SYNE2: variants seen among roughly 807,000 people sequenced by gnomAD.
SYNE2 encodes the protein spectrin repeat containing nuclear envelope protein 2, also known as nesprin-2.
Under a neutral mutation model 856.3 loss-of-function variants are expected in SYNE2, and 431 were observed. That is an observed-to-expected ratio of 0.50 (90% CI 0.47 to 0.55). SYNE2 has a LOEUF of 0.55. Among genes scored for constraint, SYNE2 ranks in the 20% least tolerant of loss-of-function variants. The pLI is 0.00. For synonymous variants in SYNE2, 2,923 were observed against 2,872.3 expected (o/e 1.02, Z -0.56); for missense variants, 8,129 against 8,023.2 (o/e 1.01, Z -0.50).
At chr14:63,865,924 C>T (rs558975529) in intron 1 of SYNE2, among the ~76,000 whole-genome samples, 1 of 151,914 alleles carries the variant, frequency 6.6e-6, no homozygotes, top group Non-Finnish European at 1.5e-5. Flanking sequence ...ATAACACTTC[C>T]AACAACAAAA....
chr14:63,944,164 T>C (rs2095975616), intron 6 of SYNE2, among the ~76,000 whole-genome samples: 1 of 151,074 alleles, frequency 6.6e-6, no homozygotes, highest in Non-Finnish European at 1.5e-5. Flanking sequence ...GTATAGTCTT[T>C]ATGATATTTA....
chr14:63,772,440 C>T (rs949031386), intron 1 of SYNE2, among the ~76,000 whole-genome samples: 6 of 152,078 alleles, frequency 3.9e-5, no homozygotes, highest in African/African-American at 1.2e-4. Flanking sequence ...ACATCTTTTA[C>T]TTTTAAGAAA....
rs374046827 is a variant in SYNE2, at chr14:64,089,298, G to A, written c.11671-276G>A. On this transcript the variant is annotated intron_variant, in intron 58 of 115. Coordinates refer to ENST00000555002, the MANE Select transcript of SYNE2 (RefSeq NM_182914.3). ...GGAGAATCGCTTGAACCTGGGAGGC[G>A]GAGGTTACAGTGAGCAGAGATCGCG... Among the ~76,000 whole-genome samples, 144 of 149,294 alleles carry A rather than the reference G, an allele frequency of 9.6e-4. 1 individual carries two copies. Among genetic ancestry groups the A allele is most frequent in the African/African-American group, 3.1e-3 (125 of 40,422 alleles).
Position 64,052,673 on chromosome 14 carries a change from T to C in SYNE2, c.8760T>C (p.Leu2920=). Reference sequence around the variant, plus strand: ...TTCTGGAAGATCAGTTGAAAAATCTTAAGATTAGGACCAACAGAATACAAA... The same window carrying C: ...TTCTGGAAGATCAGTTGAAAAATCTCAAGATTAGGACCAACAGAATACAAA... ...RLFLEDQLKN[L]KIRTNRIQRF... is the part of the protein sequence containing the mutation. The change falls in exon 48 of 116, where the codon CTT becomes CTC. Residue 2920 remains leucine (L), a synonymous_variant. Transcript: ENST00000555002. The C allele has an allele frequency of 6.2e-7, 1 of 1,613,886 alleles. No homozygotes were observed. The highest frequency in any genetic ancestry group is 8.5e-7 in the Non-Finnish European group (1 of 1,179,892).
intron 66 of SYNE2, among the ~76,000 whole-genome samples, chr14:64,118,706 C>G (rs569866591): frequency 6.6e-6 from 1 of 151,944 alleles, no homozygotes; most frequent in South Asian, 2.1e-4. Context: ...ACTAAAAATA[C>G]AAAAATTAGC....
intron 90 of SYNE2, 103 bp downstream of exon 90, chr14:64,165,513 C>CTATTTTT: frequency 7.6e-7 from 1 of 1,316,152 alleles, no homozygotes; most frequent in African/African-American, 1.7e-5. Context: ...TCCTAACTCA[C>CTATTTTT]TCTTATTTTT....
chr14:63,969,898 C>T (rs572613837), intron 11 of SYNE2, among the ~76,000 whole-genome samples: 1 of 152,072 alleles, frequency 6.6e-6, no homozygotes, highest in Non-Finnish European at 1.5e-5. Context: ...AATTTTGCTT[C>T]GTGTATTTTA....
upstream of SYNE2, chr14:63,848,339 AAC>A (rs1368608992): frequency 3.9e-5 from 6 of 152,210 alleles, no homozygotes; most frequent in Non-Finnish European, 8.8e-5. Context: ...ATTAGTTGTA[AAC>A]ACCACTGCAC....
chr14:63,890,039 G>GTCTT (rs1312864814), intron 1 of SYNE2, among the ~76,000 whole-genome samples: 1 of 144,828 alleles, frequency 6.9e-6, no homozygotes. Flanking sequence ...GTTGGGTCTT[G>GTCTT]TCTTTCTTTC....
intron 2 of SYNE2, among the ~76,000 whole-genome samples, chr14:63,913,693 C>G (rs1219493941): frequency 6.6e-6 from 1 of 151,838 alleles, no homozygotes; most frequent in Non-Finnish European, 1.5e-5. Flanking sequence ...TAACTCCTGA[C>G]CTCAAGTGAT....
intron 45 of SYNE2, among the ~76,000 whole-genome samples, chr14:64,041,758 G>A (rs1293589646): frequency 1.3e-5 from 2 of 151,830 alleles, no homozygotes; most frequent in South Asian, 2.1e-4. Flanking sequence ...GCTGAAACAG[G>A]AGAATCAGTT....
intron 1 of SYNE2, among the ~76,000 whole-genome samples, chr14:63,845,797 G>A (rs1315455017): frequency 6.8e-6 from 1 of 147,510 alleles, no homozygotes. Flanking sequence ...CTGCAGTGCA[G>A]TGGTTTGATC....
chr14:64,178,649 G>C (rs924046265), intron 96 of SYNE2, among the ~76,000 whole-genome samples: 1 of 152,190 alleles, frequency 6.6e-6, no homozygotes, highest in African/African-American at 2.4e-5. Context: ...TGTAGAGACA[G>C]GGTTTTGCCA....
rs895916834 is a variant in SYNE2, at chr14:63,929,913, T to C, written c.80-10701T>C. On this transcript the variant is annotated intron_variant, in intron 2 of 115. Transcript: ENST00000555002. ...AGCAATTACAGAGGCAAACATGTCA[T>C]GAAATGAAGTTTTAGAGGTAGGCAG... 2.0e-5 allele frequency among the ~76,000 whole-genome samples: 3 copies of C among 152,010 alleles called. No individual in the cohort carries two copies. The East Asian group carries it at 5.8e-4, about 29-fold the overall frequency.
rs777623237 is a variant in SYNE2 at position 64,119,477 on chromosome 14, C to G, written c.12891C>G (p.Cys4297Trp). The G allele has an allele frequency of 1.9e-6, 3 of 1,614,080 alleles. No individual in the cohort carries two copies. Among genetic ancestry groups the G allele is most frequent in the African/African-American group, 2.7e-5 (2 of 74,920 alleles). The change falls in exon 67 of 116, where the codon TGC (cysteine) becomes TGG (tryptophan). Residue 4297 changes from cysteine (C) to tryptophan (W), a missense_variant. Cys to Trp is a radical substitution (Grantham distance 215). Around this residue, in one of 3 missense-constraint regions of SYNE2, gnomAD observed 5,410 missense variants for 5,284.8 expected, o/e 1.02. Coordinates refer to ENST00000555002, the MANE Select transcript of SYNE2 (RefSeq NM_182914.3). Reference protein sequence around the residue: ...EHKVAFLLETCKDQGLGDNGA... With the variant: ...EHKVAFLLETWKDQGLGDNGA... The stretch of plus-strand genomic sequence containing the variant: ...AGGTTGCCTTTCTGTTAGAGACTTG[C>G]AAAGATCAGGGCCTGGGAGATAATG...
intron 18 of SYNE2, among the ~76,000 whole-genome samples, chr14:63,984,584 T>C (rs2096610992): frequency 6.6e-6 from 1 of 152,308 alleles, no homozygotes; most frequent in East Asian, 1.9e-4. Context: ...TGTTGGGTAA[T>C]TTGGAGGATG....
intron 21 of SYNE2, 39 bp downstream of exon 21, chr14:63,991,154 G>A: frequency 6.3e-7 from 1 of 1,586,572 alleles, no homozygotes; most frequent in Non-Finnish European, 8.7e-7. Context: ...GGACATTATT[G>A]TTAACTGCCT....
intron 1 of SYNE2, among the ~76,000 whole-genome samples, chr14:63,830,445 G>C (rs1426714459): frequency 6.6e-6 from 1 of 151,972 alleles, no homozygotes; most frequent in African/African-American, 2.4e-5. Context: ...AATCCCTTTT[G>C]TCCAGGAGTT....
chr14:64,216,340 G>A lies in SYNE2; in HGVS notation c.19495G>A (p.Val6499Ile), dbSNP rs767657280. 1.2e-6 allele frequency: 2 copies of A among 1,614,198 alleles called. No homozygotes were observed. The highest frequency in any genetic ancestry group is 1.1e-5 in the South Asian group (1 of 91,084). The stretch of plus-strand genomic sequence containing the variant: ...CAAGCAAATGGAAGGTGACAGGAAT[G>A]TTCCACCTGTTCCCCCTGCGTCCAG... ...HYKQMEGDRN[V>I]PPVPPASSTP... The change falls in exon 108 of 116, where the codon GTT becomes ATT. Residue 6499 changes from valine to isoleucine, a missense_variant. Physicochemically the swap from Val to Ile is conservative, Grantham distance 29. Coordinates refer to ENST00000555002, the MANE Select transcript of SYNE2 (RefSeq NM_182914.3).
Sources: allele counts gnomAD v4.1 joint callset (sites outside exome capture counted in the v4.1 genomes callset), GRCh38; gene constraint gnomAD v4.1.1; regional missense constraint gnomAD v4.1.1; transcripts MANE v1.5; gene names NCBI Gene and HGNC (gene_info 2026-07-23, HGNC 2026-07-21).